SULT1E1: variants seen among roughly 807,000 people sequenced by gnomAD.
SULT1E1 encodes sulfotransferase 1E1.
In SULT1E1, 36 loss-of-function variants were observed where a neutral mutation model predicts 33.6. The observed-to-expected ratio is 1.07, with a 90% CI of 0.82 to 1.41. The LOEUF (loss-of-function observed/expected upper bound fraction) is 1.41, where lower values mean the gene tolerates loss of function less well. Among genes scored for constraint, SULT1E1 ranks in the 40% most tolerant of loss-of-function variants. The probability of loss-of-function intolerance (pLI) is 0.00; values close to 1 mark genes in which losing one functional copy is unlikely to be tolerated. For missense variants in SULT1E1, 371 were observed against 345.7 expected (o/e 1.07, Z -0.58); for synonymous variants, 121 against 111.7 (o/e 1.08, Z -0.53).
At chr4:69,828,995 C>T in the SULT1E1 span, among the ~76,000 whole-genome samples, 6 of 152,134 alleles carry the variant, frequency 3.9e-5, no homozygotes, top group South Asian at 1.2e-3. Flanking sequence ...TTCTTAAATC[C>T]CTGTGGGAGT....
At chr4:69,848,511 T>C (rs1056043710) in intron 5 of SULT1E1, among the ~76,000 whole-genome samples, 1 of 151,902 alleles carries the variant, frequency 6.6e-6, no homozygotes, top group African/African-American at 2.4e-5. Flanking sequence ...TTGACTCCAT[T>C]AGGGAATTTT....
intron 5 of SULT1E1, among the ~76,000 whole-genome samples, chr4:69,848,316 C>T (rs1721023787): frequency 6.6e-6 from 1 of 151,796 alleles, no homozygotes; most frequent in African/African-American, 2.4e-5. Context: ...GTGTCATTCT[C>T]ACTCCAGGAA....
intron 6 of SULT1E1, among the ~76,000 whole-genome samples, chr4:69,846,560 G>C (rs1411514394): frequency 6.6e-6 from 1 of 151,432 alleles, no homozygotes; most frequent in East Asian, 1.9e-4. Flanking sequence ...CAGTTATTAA[G>C]AATGCTACTA....
intron 6 of SULT1E1, among the ~76,000 whole-genome samples, 173 bp from the exon 7 acceptor site, chr4:69,844,514 C>G (rs1298919546): frequency 6.6e-6 from 1 of 151,926 alleles, no homozygotes; most frequent in African/African-American, 2.4e-5. Flanking sequence ...TATAATTTTC[C>G]TCATCCATAA....
intron 6 of SULT1E1, among the ~76,000 whole-genome samples, chr4:69,844,709 T>G (rs1720940678): frequency 6.6e-6 from 1 of 152,122 alleles, no homozygotes; most frequent in Admixed American, 6.5e-5. Context: ...ACAGGCAATT[T>G]TCATTTTTCT....
At chr4:69,835,844 G>T in the SULT1E1 span, among the ~76,000 whole-genome samples, 1 of 152,186 alleles carries the variant, frequency 6.6e-6, no homozygotes, top group Admixed American at 6.5e-5. Context: ...AAACTAGGCT[G>T]TTTTGCCCAG....
intron 5 of SULT1E1, 51 bp from the exon 6 acceptor site, chr4:69,847,843 C>T (rs759702628): frequency 1.8e-6 from 2 of 1,081,144 alleles, no homozygotes; most frequent in Non-Finnish European, 1.4e-6. Flanking sequence ...TCTAAAACTG[C>T]TCGAAAACTA....
intron 6 of SULT1E1, 84 bp from the exon 7 acceptor site, chr4:69,844,425 C>A: frequency 2.0e-6 from 2 of 986,408 alleles, no homozygotes; most frequent in Non-Finnish European, 2.9e-6. Flanking sequence ...ATAAACCTTT[C>A]TCTTTTCTCC....
the SULT1E1 span, among the ~76,000 whole-genome samples, chr4:69,823,697 A>G: frequency 3.9e-5 from 6 of 152,166 alleles, no homozygotes; most frequent in African/African-American, 1.4e-4. Context: ...TGCCAAGTGG[A>G]AAAGCATATT....
chr4:69,844,416 TAAACC>T, intron 6 of SULT1E1, 75 bp from the exon 7 acceptor site: 3 of 1,172,206 alleles, frequency 2.6e-6, no homozygotes, highest in Non-Finnish European at 3.6e-6. Flanking sequence ...AGAGAAAAAA[TAAACC>T]TTTCTCTTTT....
chr4:69,858,295 G>C (rs1356658117), intron 1 of SULT1E1, among the ~76,000 whole-genome samples: 1 of 152,034 alleles, frequency 6.6e-6, no homozygotes, highest in Admixed American at 6.6e-5. Flanking sequence ...CGATCAATAA[G>C]GTAGTGGATA....
intron 4 of SULT1E1, among the ~76,000 whole-genome samples, chr4:69,850,425 C>G (rs1721078101): frequency 6.6e-6 from 1 of 152,032 alleles, no homozygotes; most frequent in Non-Finnish European, 1.5e-5. Context: ...TACCACTAAA[C>G]TAAAGCTACT....
In SULT1E1 at chr4:69,849,710, T is replaced by C. The variant is rs181777593; in HGVS notation, c.370-147A>G. On this transcript the variant is annotated intron_variant, in intron 4 of 7. Transcript: ENST00000226444. Reference sequence around the variant, plus strand: ...TGCATAAGACATGTACAATTATTTATAAAGACATCTTCAATAACCTGAGGT... The same window carrying C: ...TGCATAAGACATGTACAATTATTTACAAAGACATCTTCAATAACCTGAGGT... 6 of 693,020 alleles carry C rather than the reference T, an allele frequency of 8.7e-6. No individual in the cohort carries two copies. The East Asian group carries it at 1.9e-4, about 22-fold the overall frequency. 42.9% of individuals were successfully genotyped at this position (693,020 alleles called of 1,614,324 possible).
chr4:69,842,446 AT>A (rs1245895175), intron 7 of SULT1E1, among the ~76,000 whole-genome samples: 1 of 152,262 alleles, frequency 6.6e-6, no homozygotes, highest in Non-Finnish European at 1.5e-5. Context: ...CTTAATGCTG[AT>A]AGCACTAAAA....
At chr4:69,850,668 T>G (rs759259814) in intron 4 of SULT1E1, among the ~76,000 whole-genome samples, 3 of 152,080 alleles carry the variant, frequency 2.0e-5, no homozygotes, top group Non-Finnish European at 2.9e-5. Context: ...TGCCACTGTA[T>G]GCATTAATTT....
chr4:69,840,169 G>C (rs997073685), downstream of SULT1E1, among the ~76,000 whole-genome samples: 3 of 151,948 alleles, frequency 2.0e-5, no homozygotes, highest in Non-Finnish European at 4.4e-5. Flanking sequence ...TATTTTCCAA[G>C]ACTCTCCAAT....
the SULT1E1 span, among the ~76,000 whole-genome samples, chr4:69,827,761 G>A: frequency 6.6e-6 from 1 of 152,180 alleles, no homozygotes; most frequent in Non-Finnish European, 1.5e-5. Flanking sequence ...ATCAGAGAAA[G>A]GCCGCAGCCT....
chr4:69,835,800 T>C, the SULT1E1 span, among the ~76,000 whole-genome samples: 1 of 152,192 alleles, frequency 6.6e-6, no homozygotes, highest in Non-Finnish European at 1.5e-5. Flanking sequence ...ATTTATGTTA[T>C]TTTTATTTTT....
intron 2 of SULT1E1, among the ~76,000 whole-genome samples, chr4:69,856,618 A>G (rs1721241379): frequency 6.6e-6 from 1 of 152,176 alleles, no homozygotes; most frequent in Non-Finnish European, 1.5e-5. Flanking sequence ...GGAAGAAAAT[A>G]AAGAAGCAGA....
Sources: allele counts gnomAD v4.1 joint callset (sites outside exome capture counted in the v4.1 genomes callset), GRCh38; gene constraint gnomAD v4.1.1; transcripts MANE v1.5; gene names NCBI Gene and HGNC (gene_info 2026-07-23, HGNC 2026-07-21).